Variants in IL16 observed in about 807,000 individuals in gnomAD.
IL16 encodes pro-interleukin-16.
Under a neutral mutation model 110.1 loss-of-function variants are expected in IL16, and 67 were observed. That is an observed-to-expected ratio of 0.61 (90% confidence interval 0.50 to 0.75). IL16 has a LOEUF of 0.75. Ranked by LOEUF, IL16 falls within the 30% of genes least tolerant of loss-of-function variation. The pLI, the probability that IL16 is intolerant of heterozygous loss-of-function variation, is 0.00. For missense variants in IL16, 1,545 were observed against 1,655.0 expected (o/e 0.93, Z 1.15); for synonymous variants, 689 against 662.9 (o/e 1.04, Z -0.61).
At chr15:81,246,875 C>T (rs80153852) in intron 2 of IL16, among the ~76,000 whole-genome samples, 274 of 151,992 alleles carry the variant, frequency 1.8e-3, no homozygotes, top group Non-Finnish European at 3.4e-3. Flanking sequence ...TTTTACAGGC[C>T]CCTAAAAGTT....
At chr15:81,252,681 T>C (rs982353227) in intron 2 of IL16, among the ~76,000 whole-genome samples, 1 of 152,222 alleles carries the variant, frequency 6.6e-6, no homozygotes, top group African/African-American at 2.4e-5. Flanking sequence ...ACTAATCCAC[T>C]TTCTATCTAT....
At chr15:81,279,041 A>T in intron 7 of IL16, 151 bp downstream of exon 7, 3 of 636,854 alleles carry the variant, frequency 4.7e-6, no homozygotes, top group Non-Finnish European at 8.5e-6. Context: ...TTAAAAGAAG[A>T]CCTGACTCAG....
At chr15:81,291,294 A>G (rs771360866) in intron 11 of IL16, among the ~76,000 whole-genome samples, 7 of 152,248 alleles carry the variant, frequency 4.6e-5, no homozygotes, top group Non-Finnish European at 1.0e-4. Context: ...CAACATGCAT[A>G]TATGCTCGGG....
At chr15:81,262,730 G>A (rs8033064) in intron 3 of IL16, among the ~76,000 whole-genome samples, 2,629 of 152,228 alleles carry the variant, frequency 0.017, 73 homozygotes, top group African/African-American at 0.059. Context: ...TCAGGAGTTC[G>A]AGACCAGCCT....
chr15:81,231,164 A>G (rs1445729124), intron 2 of IL16, among the ~76,000 whole-genome samples: 1 of 152,046 alleles, frequency 6.6e-6, no homozygotes, highest in African/African-American at 2.4e-5. Flanking sequence ...CAGCATAACA[A>G]TATAACATAA....
intron 2 of IL16, among the ~76,000 whole-genome samples, chr15:81,235,292 A>T (rs770530628): frequency 2.6e-5 from 4 of 152,216 alleles, no homozygotes; most frequent in Non-Finnish European, 5.9e-5. Context: ...CTATACAAGC[A>T]TGGGACCAGC....
intron 2 of IL16, among the ~76,000 whole-genome samples, chr15:81,239,402 G>A (rs74030042): frequency 0.013 from 1,944 of 152,258 alleles, 30 homozygotes; most frequent in Middle Eastern, 0.054. Context: ...CTCAATCCCT[G>A]CAGTTCTGTC....
At chr15:81,256,927 G>A (rs532075857) in intron 2 of IL16, among the ~76,000 whole-genome samples, 4 of 152,298 alleles carry the variant, frequency 2.6e-5, no homozygotes, top group African/African-American at 9.6e-5. Flanking sequence ...GGGAGGTCTT[G>A]AAATTAGAAT....
intron 14 of IL16, among the ~76,000 whole-genome samples, chr15:81,300,975 G>C (rs1203114892): frequency 1.3e-5 from 2 of 152,164 alleles, no homozygotes; most frequent in African/African-American, 4.8e-5. Context: ...CACTGATTCT[G>C]ACTATGAGCA....
At chr15:81,200,814 A>G (rs951418289) in intron 1 of IL16, among the ~76,000 whole-genome samples, 24 of 152,180 alleles carry the variant, frequency 1.6e-4, no homozygotes, top group African/African-American at 5.5e-4. Flanking sequence ...CCCATTATCC[A>G]AGGCAAGGAT....
intron 17 of IL16, 81 bp downstream of exon 17, chr15:81,306,247 A>G: frequency 6.5e-7 from 1 of 1,547,726 alleles, no homozygotes; most frequent in Non-Finnish European, 8.7e-7. Flanking sequence ...GGGGCTACTC[A>G]GTAATTTGTG....
intron 4 of IL16, among the ~76,000 whole-genome samples, chr15:81,267,742 A>T (rs916014419): frequency 3.3e-5 from 5 of 152,240 alleles, no homozygotes; most frequent in Non-Finnish European, 7.3e-5. Flanking sequence ...ATATAAAGAC[A>T]GGAAAAAGGC....
chr15:81,269,103 C>G (rs1013947811), intron 4 of IL16, among the ~76,000 whole-genome samples: 3 of 152,268 alleles, frequency 2.0e-5, no homozygotes, highest in African/African-American at 7.2e-5. Context: ...TGGGCTCCGC[C>G]CCCTTGCCCA....
intron 2 of IL16, among the ~76,000 whole-genome samples, chr15:81,234,788 AT>A (rs1897126805): frequency 6.6e-6 from 1 of 152,240 alleles, no homozygotes. Flanking sequence ...TGAGATCTAC[AT>A]GTTAAGTGTC....
intron 3 of IL16, among the ~76,000 whole-genome samples, 165 bp from the exon 4 acceptor site, chr15:81,265,494 A>G (rs1234999463): frequency 6.6e-6 from 1 of 152,114 alleles, no homozygotes; most frequent in Non-Finnish European, 1.5e-5. Flanking sequence ...AATGCTGCTC[A>G]TGTCTTCCGC....
chr15:81,189,549 A>G (rs1443685093), intron 1 of IL16, among the ~76,000 whole-genome samples: 1 of 152,084 alleles, frequency 6.6e-6, no homozygotes, highest in Non-Finnish European at 1.5e-5. Context: ...CCTCCCAAAG[A>G]GTTAGGATTA....
At chr15:81,269,415 G>A (rs1490271926) in intron 4 of IL16, 123 bp from the exon 5 acceptor site, 5 of 701,864 alleles carry the variant, frequency 7.1e-6, no homozygotes, top group Admixed American at 6.0e-5. Flanking sequence ...TTGTTACGCT[G>A]CCTGCCCTTA....
intron 1 of IL16, among the ~76,000 whole-genome samples, chr15:81,200,834 G>A (rs1895783526): frequency 6.6e-6 from 1 of 152,204 alleles, no homozygotes; most frequent in South Asian, 2.1e-4. Context: ...TTTCAGGCCT[G>A]AGTCAGCCAT....
chr15:81,273,040 A>G, intron 5 of IL16, 50 bp from the exon 6 acceptor site: 1 of 1,452,734 alleles, frequency 6.9e-7, no homozygotes, highest in Non-Finnish European at 9.6e-7. Flanking sequence ...CAGGCCAATG[A>G]GAAGCATGGA....
Sources: allele counts gnomAD v4.1 joint callset (sites outside exome capture counted in the v4.1 genomes callset), GRCh38; gene constraint gnomAD v4.1.1; transcripts MANE v1.5; gene names NCBI Gene and HGNC (gene_info 2026-07-23, HGNC 2026-07-21).